The following C6 variants were observed in gnomAD, a reference collection of about 807,000 sequenced individuals.
C6 encodes the protein complement C6, also known as complement component C6.
C6 carries 101 observed loss-of-function variants against 112.9 expected under a neutral mutation model. The ratio of observed to expected loss-of-function variants is 0.89; its 90% CI spans 0.76 to 1.06. The LOEUF is 1.06. Among genes scored for constraint, C6 ranks in the 50% least tolerant of loss-of-function variants. The pLI, the probability that C6 is intolerant of heterozygous loss-of-function variation, is 0.00. For missense variants in C6, 1,202 were observed against 1,104.6 expected, an observed-to-expected ratio of 1.09 and a Z score of -1.25; for synonymous variants, 431 against 384.1, an observed-to-expected ratio of 1.12 and a Z score of -1.43.
chr5:41,244,266 A>G (rs558765783), intron 1 of C6, among the ~76,000 whole-genome samples: 3 of 152,248 alleles, frequency 2.0e-5, no homozygotes, highest in African/African-American at 7.2e-5. Flanking sequence ...TGAGACAACA[A>G]TAACAGCAGC....
chr5:41,243,861 C>G (rs1002130068), intron 1 of C6, among the ~76,000 whole-genome samples: 1 of 152,214 alleles, frequency 6.6e-6, no homozygotes, highest in Non-Finnish European at 1.5e-5. Context: ...CTCACTTTCT[C>G]TTTCCTCAGT....
intron 1 of C6, among the ~76,000 whole-genome samples, chr5:41,206,339 T>C (rs1751433384): frequency 6.6e-6 from 1 of 152,172 alleles, no homozygotes; most frequent in Admixed American, 6.5e-5. Context: ...CGCAGCTCCT[T>C]GCATGTAAAG....
At chr5:41,153,781 A>C (rs1158458726) in intron 15 of C6, 29 bp downstream of exon 15, 7 of 1,567,592 alleles carry the variant, frequency 4.5e-6, no homozygotes, top group Non-Finnish European at 6.1e-6. Flanking sequence ...CCACCTTATC[A>C]GACCCCAGAA....
At chr5:41,226,972 C>G (rs767194260) in intron 1 of C6, among the ~76,000 whole-genome samples, 7 of 152,110 alleles carry the variant, frequency 4.6e-5, no homozygotes, top group Non-Finnish European at 1.0e-4. Flanking sequence ...GATGTATACT[C>G]AATAAAGAGA....
intron 17 of C6, among the ~76,000 whole-genome samples, chr5:41,147,955 C>T (rs1745994479): frequency 6.6e-6 from 1 of 152,082 alleles, no homozygotes; most frequent in South Asian, 2.1e-4. Context: ...GTGATAACTC[C>T]AAGGTTTGGT....
intron 2 of C6, 33 bp from the exon 3 acceptor site, chr5:41,201,747 A>C: frequency 6.4e-7 from 1 of 1,571,410 alleles, no homozygotes. Context: ...GCTTAGAATG[A>C]GTGTATTCAC....
At chr5:41,175,377 G>T (rs540497405) in intron 8 of C6, among the ~76,000 whole-genome samples, 14 of 152,202 alleles carry the variant, frequency 9.2e-5, no homozygotes, top group African/African-American at 3.4e-4. Context: ...TGTACTGTGT[G>T]CATGCATGTA....
At chr5:41,236,106 CT>C (rs1448292683) in intron 1 of C6, among the ~76,000 whole-genome samples, 1 of 89,008 alleles carries the variant, frequency 1.1e-5, no homozygotes, top group Non-Finnish European at 2.2e-5. Context: ...TCAATTTTGG[CT>C]TTTGTTGCCA....
chr5:41,210,708 G>C (rs1751847006), intron 1 of C6, among the ~76,000 whole-genome samples: 1 of 152,198 alleles, frequency 6.6e-6, no homozygotes, highest in Admixed American at 6.5e-5. Flanking sequence ...ACACCAGTTA[G>C]AATGGCGATC....
intron 5 of C6, among the ~76,000 whole-genome samples, chr5:41,189,601 C>G (rs1750043849): frequency 6.6e-6 from 1 of 151,876 alleles, no homozygotes. Flanking sequence ...GCATATTCAT[C>G]ACCTCAAACA....
At chr5:41,203,666 T>A (rs1217483638) in intron 1 of C6, 3 of 182,522 alleles carry the variant, frequency 1.6e-5, no homozygotes, top group African/African-American at 7.1e-5. Context: ...GGAAAGAAGT[T>A]TGGATCATTC....
At chr5:41,206,396 G>A (rs912829327) in intron 1 of C6, among the ~76,000 whole-genome samples, 4 of 152,194 alleles carry the variant, frequency 2.6e-5, no homozygotes, top group Admixed American at 1.3e-4. Context: ...AGAGAAGAAG[G>A]CTTCAGACGA....
chr5:41,191,161 G>T (rs1322486378), intron 5 of C6, among the ~76,000 whole-genome samples: 1 of 138,692 alleles, frequency 7.2e-6, no homozygotes, highest in African/African-American at 2.7e-5. Context: ...CCACCTCCCG[G>T]GTTCAAGCGA....
intron 1 of C6, among the ~76,000 whole-genome samples, chr5:41,208,628 G>A (rs1272700957): frequency 3.3e-5 from 5 of 152,122 alleles, no homozygotes; most frequent in Admixed American, 3.3e-4. Context: ...TAGAAGAAAT[G>A]GATAAATTCC....
rs1414436496 is a variant in C6 at position 41,230,362 on chromosome 5, ATAAT to A, written c.-20-27116_-20-27113del. ...ATTCTTTTCCCAGCAAGGAATATTAATAATTAATACCCTGGGGAAGGATTGCATT... is the reference window on the plus strand; with the variant it reads ...ATTCTTTTCCCAGCAAGGAATATTAATAATACCCTGGGGAAGGATTGCATT... On this transcript the variant is annotated intron_variant, in intron 1 of 17. Transcript: ENST00000263413. Among the ~76,000 whole-genome samples the A allele has an allele frequency of 2.0e-5, 3 of 152,204 alleles. No homozygotes were observed. In the East Asian group the frequency reaches 5.8e-4, roughly 30 times the overall value.
intron 1 of C6, among the ~76,000 whole-genome samples, chr5:41,207,809 G>C (rs1019483335): frequency 6.6e-6 from 1 of 152,140 alleles, no homozygotes; most frequent in Non-Finnish European, 1.5e-5. Flanking sequence ...GTCAACATGA[G>C]ACAGATCAAC....
intron 13 of C6, among the ~76,000 whole-genome samples, chr5:41,156,619 G>A (rs996675015): frequency 6.6e-6 from 1 of 152,162 alleles, no homozygotes; most frequent in African/African-American, 2.4e-5. Flanking sequence ...AGCGGTGAAA[G>A]CTTAATTGTC....
At position 41,149,230 on chromosome 5, in the gene C6, T is replaced by C. The variant is rs751454127; in HGVS notation, c.2623+11A>G. 57 of 1,613,834 alleles carry C rather than the reference T, an allele frequency of 3.5e-5. No individual in the cohort carries two copies. Among genetic ancestry groups the C allele is most frequent in the Non-Finnish European group, 4.2e-5 (50 of 1,179,892 alleles). ...GTGAGAGCATTTAGTATGGTCACCATTGGAACTTACCTGAACATTTTTCCC... is the reference window on the plus strand; with the variant it reads ...GTGAGAGCATTTAGTATGGTCACCACTGGAACTTACCTGAACATTTTTCCC... On this transcript the variant is annotated intron_variant, in intron 17 of 17. Coordinates refer to ENST00000337836, the MANE Select transcript of C6 (RefSeq NM_000065.5).
intron 6 of C6, among the ~76,000 whole-genome samples, chr5:41,184,103 A>G (rs1749576581): frequency 2.0e-5 from 3 of 152,030 alleles, no homozygotes; most frequent in Middle Eastern, 6.8e-3. Flanking sequence ...ACAAACTCGC[A>G]TATGTATTCC....
Sources: allele counts gnomAD v4.1 joint callset (sites outside exome capture counted in the v4.1 genomes callset), GRCh38; gene constraint gnomAD v4.1.1; transcripts MANE v1.5; gene names NCBI Gene and HGNC (gene_info 2026-07-23, HGNC 2026-07-21).